STIM1: variants seen among roughly 807,000 people sequenced by gnomAD.
STIM1 encodes stromal interaction molecule 1.
A neutral mutation model predicts 74.7 loss-of-function variants in STIM1; 25 were observed. The ratio of observed to expected loss-of-function variants is 0.33; its 90% CI spans 0.24 to 0.47. STIM1 has a LOEUF of 0.47. STIM1 is among the 20% of genes least tolerant of loss of function. The pLI is 1.00. For synonymous variants in STIM1, 328 were observed against 348.8 expected, an observed-to-expected ratio of 0.94 and a Z score of 0.66; for missense variants, 728 against 920.8, an observed-to-expected ratio of 0.79 and a Z score of 2.71.
chr11:3,981,068 G>A (rs1379831356), intron 2 of STIM1, among the ~76,000 whole-genome samples: 1 of 152,006 alleles, frequency 6.6e-6, no homozygotes, highest in East Asian at 1.9e-4. Flanking sequence ...TGTGATCTCG[G>A]CTCACTGCAA....
At chr11:3,968,704 C>T (rs577958907) in intron 2 of STIM1, among the ~76,000 whole-genome samples, 2 of 152,190 alleles carry the variant, frequency 1.3e-5, no homozygotes, top group South Asian at 4.2e-4. Flanking sequence ...GAGACTTTAG[C>T]CTGGAGAAGA....
At chr11:4,037,354 A>C (rs1339042058) in intron 3 of STIM1, among the ~76,000 whole-genome samples, 1 of 152,184 alleles carries the variant, frequency 6.6e-6, no homozygotes, top group Admixed American at 6.6e-5. Flanking sequence ...TCCAGCCTGC[A>C]TACTTGTTCT....
chr11:4,010,800 A>G (rs542144828), intron 2 of STIM1, among the ~76,000 whole-genome samples: 5 of 152,054 alleles, frequency 3.3e-5, no homozygotes, highest in African/African-American at 7.2e-5. Context: ...TACATATGCC[A>G]TGTTGGTTTA....
chr11:3,901,500 A>G (rs1371896955), intron 1 of STIM1, among the ~76,000 whole-genome samples: 2 of 152,170 alleles, frequency 1.3e-5, no homozygotes, highest in African/African-American at 2.4e-5. Context: ...TTAGTTGACA[A>G]GGTACCTCCA....
chr11:4,010,728 A>G (rs75335735), intron 2 of STIM1, among the ~76,000 whole-genome samples: 1 of 151,656 alleles, frequency 6.6e-6, no homozygotes, highest in African/African-American at 2.4e-5. Flanking sequence ...TCTTTTTTTT[A>G]TTATTATATA....
chr11:3,939,212 A>G (rs914549338), intron 1 of STIM1, among the ~76,000 whole-genome samples: 1 of 152,252 alleles, frequency 6.6e-6, no homozygotes, highest in Admixed American at 6.5e-5. Context: ...AGACAGTACC[A>G]TCATGATTAT....
At chr11:4,074,024 A>G (rs2094422295) in intron 6 of STIM1, among the ~76,000 whole-genome samples, 1 of 152,128 alleles carries the variant, frequency 6.6e-6, no homozygotes, top group Admixed American at 6.5e-5. Context: ...TTCTACATTC[A>G]TTGAACTTTC....
chr11:3,857,678 C>T (rs913551301), intron 1 of STIM1, among the ~76,000 whole-genome samples: 4 of 152,000 alleles, frequency 2.6e-5, no homozygotes, highest in Admixed American at 6.6e-5. Flanking sequence ...TGAGCATAAG[C>T]AAGTTCAAAT....
At chr11:3,981,287 A>G (rs954622242) in intron 2 of STIM1, among the ~76,000 whole-genome samples, 6 of 152,114 alleles carry the variant, frequency 3.9e-5, no homozygotes, top group African/African-American at 1.4e-4. Flanking sequence ...CATGTTCGAG[A>G]GTACTTGGCA....
chr11:3,854,746 A>C (rs3813880), upstream of STIM1: 38,936 of 152,144 alleles, frequency 0.26, 5,160 homozygotes, highest in East Asian at 0.33. Context: ...GGTAGGAAAA[A>C]GGGCTGTGAG....
intron 12 of STIM1, among the ~76,000 whole-genome samples, chr11:4,089,491 A>C (rs1207165088): frequency 1.3e-5 from 2 of 152,242 alleles, no homozygotes; most frequent in Non-Finnish European, 2.9e-5. Context: ...GCTTAGAGAA[A>C]CAAGGACAAG....
chr11:3,907,895 T>C (rs1427801346), intron 1 of STIM1, among the ~76,000 whole-genome samples: 1 of 152,254 alleles, frequency 6.6e-6, no homozygotes, highest in African/African-American at 2.4e-5. Flanking sequence ...ACTTTCTGCA[T>C]GGCTCATGCC....
chr11:3,897,066 G>A (rs768219877), intron 1 of STIM1, among the ~76,000 whole-genome samples: 1 of 152,130 alleles, frequency 6.6e-6, no homozygotes, highest in Non-Finnish European at 1.5e-5. Context: ...CTCTCTTAGG[G>A]CCTGTTATTG....
chr11:3,996,944 C>T (rs2093668342), intron 2 of STIM1, among the ~76,000 whole-genome samples: 1 of 152,190 alleles, frequency 6.6e-6, no homozygotes, highest in Non-Finnish European at 1.5e-5. Flanking sequence ...AATCTCTTTC[C>T]TCTGGGGAAA....
intron 1 of STIM1, among the ~76,000 whole-genome samples, chr11:3,893,256 G>A (rs2091951441): frequency 6.6e-6 from 1 of 152,192 alleles, no homozygotes; most frequent in African/African-American, 2.4e-5. Flanking sequence ...TTGGTGCCTA[G>A]CCAGCATAGA....
chr11:4,070,239 C>T (rs2133162300), intron 6 of STIM1, 36 bp downstream of exon 6: 1 of 1,612,004 alleles, frequency 6.2e-7, no homozygotes, highest in Non-Finnish European at 8.5e-7. Flanking sequence ...TGAGGCCCTG[C>T]CAGTTCTTGG....
intron 1 of STIM1, among the ~76,000 whole-genome samples, chr11:3,880,497 G>A (rs1010922901): frequency 6.6e-6 from 1 of 152,206 alleles, no homozygotes; most frequent in African/African-American, 2.4e-5. Context: ...AACTTTGGGA[G>A]TAAAATCTTT....
chr11:4,049,715 A>AC (rs2094223353), intron 3 of STIM1: 8 of 101,476 alleles, frequency 7.9e-5, no homozygotes, highest in African/African-American at 1.4e-4. Context: ...CCCCTGCCCA[A>AC]ACACACACAC....
At chr11:3,921,491 G>A (rs771535623) in intron 1 of STIM1, among the ~76,000 whole-genome samples, 14 of 152,158 alleles carry the variant, frequency 9.2e-5, no homozygotes, top group South Asian at 2.1e-4. Flanking sequence ...GATATATTAC[G>A]TTGACAACAT....
Sources: gnomAD v4.1 joint callset for allele counts (sites outside exome capture counted in the v4.1 genomes callset) on GRCh38, gnomAD v4.1.1 for gene constraint, MANE v1.5 for transcripts, NCBI Gene and HGNC (gene_info 2026-07-23, HGNC 2026-07-21) for gene names.